Variants in NBEA observed in about 807,000 individuals in gnomAD.
The protein encoded by NBEA is lysosomal-trafficking regulator 2.
Under a neutral mutation model 343.4 loss-of-function variants are expected in NBEA, and 44 were observed. The observed-to-expected ratio is 0.13, with a 90% CI of 0.10 to 0.16. The LOEUF (loss-of-function observed/expected upper bound fraction) is 0.16, where lower values mean the gene tolerates loss of function less well. Among genes scored for constraint, NBEA ranks in the 10% least tolerant of loss-of-function variants. NBEA has a pLI of 1.00. For missense variants in NBEA, 2,555 were observed against 3,631.3 expected (o/e 0.70, Z 7.62); for synonymous variants, 1,175 against 1,238.7 (o/e 0.95, Z 1.08).
At chr13:34,982,886 A>T (rs1035248264) in intron 1 of NBEA, among the ~76,000 whole-genome samples, 3 of 152,224 alleles carry the variant, frequency 2.0e-5, no homozygotes, top group Non-Finnish European at 1.5e-5. Context: ...AAGAGTCTCA[A>T]CTATGATTGT....
At chr13:35,660,566 C>T (rs2085043379) in intron 55 of NBEA, among the ~76,000 whole-genome samples, 1 of 152,148 alleles carries the variant, frequency 6.6e-6, no homozygotes, top group South Asian at 2.1e-4. Context: ...GCACACACAC[C>T]TTCTCTGGGC....
chr13:35,206,464 A>G (rs2073403788), intron 31 of NBEA, among the ~76,000 whole-genome samples: 2 of 152,152 alleles, frequency 1.3e-5, no homozygotes, highest in African/African-American at 4.8e-5. Flanking sequence ...TCAAATCGAC[A>G]GTTGATGGTT....
At chr13:35,083,357 C>T (rs1159122643) in intron 10 of NBEA, among the ~76,000 whole-genome samples, 1 of 151,720 alleles carries the variant, frequency 6.6e-6, no homozygotes, top group Non-Finnish European at 1.5e-5. Context: ...AGCGTGATGC[C>T]TCCAGGGTCG....
chr13:34,978,594 C>G (rs909794502), intron 1 of NBEA, among the ~76,000 whole-genome samples: 1 of 152,154 alleles, frequency 6.6e-6, no homozygotes, highest in African/African-American at 2.4e-5. Flanking sequence ...CAGAGAGTTC[C>G]TCGTACTCCT....
intron 41 of NBEA, among the ~76,000 whole-genome samples, chr13:35,538,429 C>T (rs1013262922): frequency 1.3e-5 from 2 of 152,160 alleles, no homozygotes; most frequent in African/African-American, 2.4e-5. Flanking sequence ...AATTTATACG[C>T]TACTGATAAG....
chr13:35,251,838 A>T, intron 34 of NBEA: 1 of 160,484 alleles, frequency 6.2e-6, no homozygotes, highest in East Asian at 1.9e-4. Flanking sequence ...CACCTGCTCT[A>T]GTGCTACCTG....
At chr13:35,319,137 C>T (rs966759432) in intron 36 of NBEA, among the ~76,000 whole-genome samples, 8 of 152,076 alleles carry the variant, frequency 5.3e-5, no homozygotes, top group Non-Finnish European at 1.2e-4. Flanking sequence ...TTCTTGTCTT[C>T]TGCTAGCTTT....
chr13:34,987,611 C>T (rs1045341426), intron 1 of NBEA, among the ~76,000 whole-genome samples: 2 of 150,820 alleles, frequency 1.3e-5, no homozygotes, highest in Non-Finnish European at 3.0e-5. Flanking sequence ...TTCCATTATC[C>T]CCATCACTTT....
chr13:35,387,332 T>C (rs2042288840), intron 38 of NBEA, among the ~76,000 whole-genome samples: 1 of 152,142 alleles, frequency 6.6e-6, no homozygotes, highest in African/African-American at 2.4e-5. Context: ...AGAAGTATTT[T>C]AGTTTTCATT....
At chr13:35,106,502 C>T (rs911535191) in intron 11 of NBEA, among the ~76,000 whole-genome samples, 1 of 151,698 alleles carries the variant, frequency 6.6e-6, no homozygotes, top group Non-Finnish European at 1.5e-5. Flanking sequence ...AATATCCTTT[C>T]TTATATTAGG....
At chr13:35,018,742 T>A (rs2152539565) in intron 1 of NBEA, among the ~76,000 whole-genome samples, 1 of 152,290 alleles carries the variant, frequency 6.6e-6, no homozygotes, top group Admixed American at 6.5e-5. Flanking sequence ...TTCATTTTTC[T>A]TCCTGTTTTG....
At chr13:35,627,250 T>C (rs2083269064) in intron 48 of NBEA, among the ~76,000 whole-genome samples, 1 of 152,126 alleles carries the variant, frequency 6.6e-6, no homozygotes, top group Admixed American at 6.5e-5. Flanking sequence ...GTACAGCTCT[T>C]TTCCATGTTG....
chr13:35,112,547 T>C (rs1206880161), intron 13 of NBEA, among the ~76,000 whole-genome samples: 1 of 152,170 alleles, frequency 6.6e-6, no homozygotes, highest in Non-Finnish European at 1.5e-5. Flanking sequence ...AGTTCTTAAA[T>C]GCTACACTAT....
chr13:35,532,318 G>A (rs144370206), intron 41 of NBEA, among the ~76,000 whole-genome samples: 2 of 152,106 alleles, frequency 1.3e-5, no homozygotes, highest in African/African-American at 4.8e-5. Context: ...GTTCAGAGCA[G>A]CTGAATACAG....
intron 10 of NBEA, among the ~76,000 whole-genome samples, chr13:35,084,700 A>C (rs1433284709): frequency 6.6e-6 from 1 of 152,166 alleles, no homozygotes; most frequent in Non-Finnish European, 1.5e-5. Context: ...AACACATTCA[A>C]AAGCTAGCAG....
intron 1 of NBEA, among the ~76,000 whole-genome samples, chr13:35,031,350 A>G (rs2062209879): frequency 6.6e-6 from 1 of 151,696 alleles, no homozygotes; most frequent in Admixed American, 6.6e-5. Flanking sequence ...ATGGTAAAAA[A>G]GTGATGTTTG....
chr13:35,087,807 T>A (rs73483944), intron 10 of NBEA, among the ~76,000 whole-genome samples: 2,391 of 152,016 alleles, frequency 0.016, 64 homozygotes, highest in African/African-American at 0.049. Flanking sequence ...TGTTACTTGA[T>A]GTAGGAACAA....
At chr13:35,370,100 T>C (rs1383919248) in intron 38 of NBEA, among the ~76,000 whole-genome samples, 3 of 151,986 alleles carry the variant, frequency 2.0e-5, no homozygotes, top group Non-Finnish European at 4.4e-5. Flanking sequence ...ATTTTCTGTC[T>C]AGATGATCTA....
intron 1 of NBEA, among the ~76,000 whole-genome samples, chr13:35,020,855 T>A (rs928372999): frequency 3.3e-5 from 5 of 152,030 alleles, no homozygotes; most frequent in African/African-American, 1.2e-4. Flanking sequence ...TTTTTTTATA[T>A]GGGGGGAGGT....
Sources: allele counts gnomAD v4.1 joint callset (sites outside exome capture counted in the v4.1 genomes callset), GRCh38; gene constraint gnomAD v4.1.1; transcripts MANE v1.5; gene names NCBI Gene and HGNC (gene_info 2026-07-23, HGNC 2026-07-21).